Variants in AXDND1 observed in about 807,000 individuals in gnomAD.
The protein encoded by AXDND1 is axonemal dynein light chain domain-containing protein 1.
Under a neutral mutation model 137.5 loss-of-function variants are expected in AXDND1, and 110 were observed. The observed-to-expected ratio is 0.80, with a 90% CI of 0.69 to 0.94. AXDND1 has a LOEUF of 0.94. Ranked by LOEUF, AXDND1 falls within the 40% of genes least tolerant of loss-of-function variation. The pLI is 0.00. For synonymous variants in AXDND1, 414 were observed against 399.7 expected (o/e 1.04, Z -0.43); for missense variants, 1,191 against 1,169.8 (o/e 1.02, Z -0.26).
chr1:179,371,555 C>G (rs942952163), intron 4 of AXDND1, among the ~76,000 whole-genome samples: 1 of 152,150 alleles, frequency 6.6e-6, no homozygotes, highest in African/African-American at 2.4e-5. Flanking sequence ...ACTGTAGTCT[C>G]AGAACCTGTG....
chr1:179,528,271 A>G (rs1670724855), intron 22 of AXDND1, 56 bp from the exon 23 acceptor site: 1 of 1,290,454 alleles, frequency 7.7e-7, no homozygotes, highest in Non-Finnish European at 1.1e-6. Flanking sequence ...GTGCCAGGAA[A>G]CTTGCTGGGG....
chr1:179,404,876 T>A lies in AXDND1; in HGVS notation c.1110-6270T>A, dbSNP rs148536542. ...GTGTACAATTCAGCAGTAAAGCCAT[T>A]TGGTCTTGGGCTTTGCTTTGTTGGG... On this transcript the variant is annotated intron_variant, in intron 11 of 25. Transcript: ENST00000367618. Among the ~76,000 whole-genome samples the A allele has an allele frequency of 5.3e-3, 802 of 152,274 alleles. 9 individuals carry two copies. Among genetic ancestry groups the A allele is most frequent in the African/African-American group, 0.019 (779 of 41,560 alleles).
In AXDND1 at chr1:179,468,506, A is replaced by G. The variant is rs776837761; in HGVS notation, c.1862A>G (p.Asn621Ser). Reference protein sequence around the residue: ...SLDFCSFKLENLEFPDTPLEE... With the variant: ...SLDFCSFKLESLEFPDTPLEE... ...GACTTCTGTTCTTTCAAGTTGGAAAACCTGGAGTTTCCTGATACGCCTCTT... is the reference window on the plus strand; with the variant it reads ...GACTTCTGTTCTTTCAAGTTGGAAAGCCTGGAGTTTCCTGATACGCCTCTT... Residue 621 changes from asparagine to serine, a missense_variant, in exon 17 of 26, where the codon AAC (asparagine) becomes AGC (serine). Physicochemically the swap from Asn to Ser is conservative, Grantham distance 46. Coordinates refer to ENST00000367618, the MANE Select transcript of AXDND1 (RefSeq NM_144696.6). The G allele has an allele frequency of 6.2e-7, 1 of 1,613,186 alleles. No homozygotes were observed. Among genetic ancestry groups the G allele is most frequent in the East Asian group, 2.2e-5 (1 of 44,786 alleles).
rs761897633 is a variant in AXDND1 at position 179,528,363 on chromosome 1, C to G, written c.2647C>G (p.Arg883Gly). 3.1e-6 allele frequency: 5 copies of G among 1,613,680 alleles called. No homozygotes were observed. The Admixed American group carries it at 5.0e-5, about 16-fold the overall frequency. The stretch of plus-strand genomic sequence containing the variant: ...ATCTACAGAGAAGGAAAAACTCATT[C>G]GATTCATTGGAGAAGATGAAAATGT... ...STSTEKEKLI[R>G]FIGEDENVHS... Residue 883 changes from arginine (R) to glycine (G), a missense_variant, in exon 23 of 26, where the codon CGA (arginine) becomes GGA (glycine). Arg to Gly is a moderately radical substitution (Grantham distance 125). Transcript: ENST00000367618.
chr1:179,403,800 C>T (rs1237014619), intron 11 of AXDND1, among the ~76,000 whole-genome samples: 1 of 152,170 alleles, frequency 6.6e-6, no homozygotes, highest in Non-Finnish European at 1.5e-5. Context: ...TCTGGAACTA[C>T]TCCTGACCTC....
intron 6 of AXDND1, among the ~76,000 whole-genome samples, 174 bp downstream of exon 6, chr1:179,379,656 T>TGTG (rs1164207249): frequency 6.6e-6 from 1 of 151,282 alleles, no homozygotes; most frequent in African/African-American, 2.4e-5. Context: ...ATTAGCTGGG[T>TGTG]GTGGTGGCGG....
rs80339851 is a variant in AXDND1 at position 179,414,411 on chromosome 1, C to CTTTATTTATTTATTTATTTA, written c.1230+3153_1230+3172dup. 1.9e-4 allele frequency among the ~76,000 whole-genome samples: 28 copies of CTTTATTTATTTATTTATTTA among 149,272 alleles called. No individual in the cohort carries two copies. The East Asian group carries it at 4.6e-3, about 24-fold the overall frequency. On this transcript the variant is annotated intron_variant, in intron 12 of 25. Coordinates refer to ENST00000367618, the MANE Select transcript of AXDND1 (RefSeq NM_144696.6). ...AGATGTCAGTTCTCTCCAAATTAAT[C>CTTTATTTATTTATTTATTTA]TTTATTTATTTATTTATTTATTTAT...
intron 16 of AXDND1, chr1:179,456,321 G>C (rs1349990174): frequency 1.3e-6 from 1 of 753,518 alleles, no homozygotes; most frequent in Non-Finnish European, 2.4e-6. Context: ...ACCACCACAG[G>C]GGACAGAACT....
At chr1:179,418,814 C>T (rs1205800320) in intron 12 of AXDND1, among the ~76,000 whole-genome samples, 3 of 151,922 alleles carry the variant, frequency 2.0e-5, no homozygotes, top group Non-Finnish European at 2.9e-5. Flanking sequence ...CTCCTCACTT[C>T]TCAGACGGGG....
intron 15 of AXDND1, among the ~76,000 whole-genome samples, chr1:179,434,194 A>G (rs897803634): frequency 4.0e-5 from 6 of 151,758 alleles, no homozygotes; most frequent in African/African-American, 9.7e-5. Context: ...TTTGCTTTCC[A>G]TTTGCTTGGT....
chr1:179,517,783 A>C (rs1669683255), intron 21 of AXDND1, among the ~76,000 whole-genome samples: 1 of 152,170 alleles, frequency 6.6e-6, no homozygotes, highest in South Asian at 2.1e-4. Flanking sequence ...CAGTTTGGGC[A>C]CTCACAGTAT....
intron 9 of AXDND1, among the ~76,000 whole-genome samples, chr1:179,386,938 A>G (rs1473193736): frequency 6.6e-6 from 1 of 151,616 alleles, no homozygotes; most frequent in East Asian, 1.9e-4. Flanking sequence ...CTTTAATCCT[A>G]TCTAGTATAT....
At chr1:179,523,860 C>T (rs1670296728) in intron 21 of AXDND1, among the ~76,000 whole-genome samples, 1 of 152,116 alleles carries the variant, frequency 6.6e-6, no homozygotes, top group Admixed American at 6.6e-5. Flanking sequence ...TCCCTCCTCA[C>T]CTCCCACCCT....
At chr1:179,543,688 A>C (rs1572226961) in intron 25 of AXDND1, 1 of 152,048 alleles carries the variant, frequency 6.6e-6, no homozygotes, top group African/African-American at 2.4e-5. Flanking sequence ...TCTCTTCTTC[A>C]CTCCTTGACC....
intron 16 of AXDND1, chr1:179,456,854 A>T (rs972302533): frequency 8.5e-6 from 7 of 826,388 alleles, no homozygotes; most frequent in African/African-American, 3.3e-5. Context: ...TCTGAATGAC[A>T]GTTTTATCCA....
chr1:179,394,118 G>T, intron 10 of AXDND1, 75 bp downstream of exon 10: 1 of 1,429,340 alleles, frequency 7.0e-7, no homozygotes, highest in Non-Finnish European at 9.3e-7. Context: ...AAATATTTAG[G>T]GAAAGTGGAA....
chr1:179,541,285 C>G (rs1672109689), intron 25 of AXDND1, among the ~76,000 whole-genome samples: 1 of 152,158 alleles, frequency 6.6e-6, no homozygotes, highest in Non-Finnish European at 1.5e-5. Flanking sequence ...CTTGTACTTC[C>G]TGGATGAGGC....
intron 12 of AXDND1, among the ~76,000 whole-genome samples, chr1:179,414,435 A>ATTTATTTATTT: frequency 7.5e-6 from 1 of 132,904 alleles, no homozygotes; most frequent in East Asian, 2.0e-4. Context: ...TTATTTATTT[A>ATTTATTTATTT]TTTTTTTGAG....
intron 21 of AXDND1, among the ~76,000 whole-genome samples, chr1:179,523,304 G>A (rs78718704): frequency 0.046 from 6,920 of 150,042 alleles, 237 homozygotes; most frequent in Non-Finnish European, 0.07. Context: ...AATAAAAATT[G>A]TATATATTTA....
Sources: gnomAD v4.1 joint callset for allele counts (sites outside exome capture counted in the v4.1 genomes callset) on GRCh38, gnomAD v4.1.1 for gene constraint, MANE v1.5 for transcripts, NCBI Gene and HGNC (gene_info 2026-07-23, HGNC 2026-07-21) for gene names.